The following PRKCA variants were observed in gnomAD, a reference collection of about 807,000 sequenced individuals.
PRKCA encodes protein kinase C alpha type.
A neutral mutation model predicts 87.0 loss-of-function variants in PRKCA; 27 were observed. The observed-to-expected ratio is 0.31, with a 90% CI of 0.23 to 0.43. The LOEUF (loss-of-function observed/expected upper bound fraction) is 0.43, where lower values mean the gene tolerates loss of function less well. PRKCA is among the 20% of genes least tolerant of loss of function. The probability of loss-of-function intolerance (pLI) is 1.00; values close to 1 mark genes in which losing one functional copy is unlikely to be tolerated. For missense variants in PRKCA, 518 were observed against 852.3 expected, an observed-to-expected ratio of 0.61 and a Z score of 4.88; for synonymous variants, 329 against 311.1, an observed-to-expected ratio of 1.06 and a Z score of -0.61.
rs1402884252 is a variant in PRKCA, at chr17:66,804,333, A to G, written c.*296A>G. On this transcript the variant is annotated 3_prime_UTR_variant, in exon 17 of 17. Coordinates refer to ENST00000413366, the MANE Select transcript of PRKCA (RefSeq NM_002737.3). ...TAGAAAGCAAGCAGACTGTTGCCCC[A>G]TTTTGGGTACAATTTGATATACTTT... 2 of 273,128 alleles carry G rather than the reference A, an allele frequency of 7.3e-6. No homozygotes were observed. Among genetic ancestry groups the G allele is most frequent in the East Asian group, 6.8e-5 (1 of 14,698 alleles). The allele number at this position is 273,128 out of a possible 1,614,324, so 16.9% of individuals were successfully genotyped here.
chr17:66,577,678 C>A (rs763303246), intron 3 of PRKCA, among the ~76,000 whole-genome samples: 10 of 152,138 alleles, frequency 6.6e-5, no homozygotes, highest in Non-Finnish European at 1.0e-4. Context: ...TGAACTATAT[C>A]TTTTTAAAAA....
chr17:66,726,373 T>C (rs2144178903), intron 8 of PRKCA, among the ~76,000 whole-genome samples: 1 of 152,284 alleles, frequency 6.6e-6, no homozygotes, highest in East Asian at 1.9e-4. Flanking sequence ...GCACTTGAGT[T>C]GGACTTTGAA....
chr17:66,345,337 C>T (rs887973605), intron 2 of PRKCA, among the ~76,000 whole-genome samples: 11 of 152,264 alleles, frequency 7.2e-5, no homozygotes, highest in African/African-American at 2.6e-4. Context: ...ATTTCTGAAG[C>T]AATCATTTAT....
chr17:66,457,620 G>A (rs1914629260), intron 2 of PRKCA, among the ~76,000 whole-genome samples: 1 of 152,062 alleles, frequency 6.6e-6, no homozygotes, highest in Non-Finnish European at 1.5e-5. Flanking sequence ...CATGGGGGTA[G>A]TTACCTCCAT....
chr17:66,372,418 A>G (rs1007745019), intron 2 of PRKCA, among the ~76,000 whole-genome samples: 5 of 152,174 alleles, frequency 3.3e-5, no homozygotes, highest in African/African-American at 4.8e-5. Flanking sequence ...GGCGGTACTG[A>G]TGAATCACTA....
rs1402299283 is a variant in PRKCA, at chr17:66,808,473, A to G, written c.*4436A>G. 1 of 152,558 alleles carries G rather than the reference A, an allele frequency of 6.6e-6. No individual in the cohort carries two copies. Among genetic ancestry groups the G allele is most frequent in the Non-Finnish European group, 1.5e-5 (1 of 68,046 alleles). The allele number at this position is 152,558 out of a possible 1,614,324, so 9.5% of individuals were successfully genotyped here. A position where few individuals can be genotyped will look rare whatever the true frequency, so the allele number is the denominator to read the frequency against. ...AAAGTCACCTATTTCTTGTGTGTGC[A>G]CATCACACCATTTCCTGTTTCTTTA... On this transcript the variant is annotated 3_prime_UTR_variant, in exon 17 of 17. Coordinates refer to ENST00000413366, the MANE Select transcript of PRKCA (RefSeq NM_002737.3).
At chr17:66,749,946 C>G (rs1429911959) in intron 13 of PRKCA, among the ~76,000 whole-genome samples, 1 of 152,074 alleles carries the variant, frequency 6.6e-6, no homozygotes, top group African/African-American at 2.4e-5. Context: ...GTCAATGGGA[C>G]ATCATCCCAG....
At chr17:66,407,884 G>A (rs781387261) in intron 2 of PRKCA, among the ~76,000 whole-genome samples, 1 of 152,140 alleles carries the variant, frequency 6.6e-6, no homozygotes, top group Admixed American at 6.5e-5. Context: ...TGTAACATAG[G>A]TATAGATTTT....
chr17:66,585,198 G>T (rs1969556165), intron 3 of PRKCA, among the ~76,000 whole-genome samples: 1 of 152,154 alleles, frequency 6.6e-6, no homozygotes, highest in African/African-American at 2.4e-5. Context: ...CTAATCTTTT[G>T]TTAGGCAGGT....
intron 4 of PRKCA, among the ~76,000 whole-genome samples, chr17:66,643,447 T>C (rs892007301): frequency 1.3e-5 from 2 of 152,248 alleles, no homozygotes; most frequent in African/African-American, 2.4e-5. Context: ...TTATTGGTGA[T>C]CCTTGAATGT....
At chr17:66,658,617 A>G (rs762498481) in intron 5 of PRKCA, among the ~76,000 whole-genome samples, 10 of 152,158 alleles carry the variant, frequency 6.6e-5, no homozygotes, top group Non-Finnish European at 1.3e-4. Context: ...ACACAGCCAA[A>G]CCATATCATA....
intron 2 of PRKCA, among the ~76,000 whole-genome samples, chr17:66,375,453 G>A (rs1023959332): frequency 1.3e-5 from 2 of 152,098 alleles, no homozygotes; most frequent in African/African-American, 4.8e-5. Context: ...GGTTGGAAGT[G>A]GAGTCGATGG....
intron 5 of PRKCA, among the ~76,000 whole-genome samples, chr17:66,667,139 T>C (rs1319287137): frequency 1.3e-5 from 2 of 152,142 alleles, no homozygotes; most frequent in African/African-American, 2.4e-5. Context: ...TTCCCCCACC[T>C]CTGCCACCTT....
chr17:66,626,266 GA>G, intron 3 of PRKCA, among the ~76,000 whole-genome samples: 1 of 151,198 alleles, frequency 6.6e-6, no homozygotes, highest in South Asian at 2.1e-4. Flanking sequence ...TGGCTAACTG[GA>G]ACCTCTGCCT....
At chr17:66,680,676 A>G (rs1972464570) in intron 5 of PRKCA, among the ~76,000 whole-genome samples, 1 of 152,184 alleles carries the variant, frequency 6.6e-6, no homozygotes. Flanking sequence ...TGTGTCCTCA[A>G]CAAAGCTTTT....
intron 2 of PRKCA, among the ~76,000 whole-genome samples, chr17:66,321,441 A>G (rs955870272): frequency 1.3e-5 from 2 of 152,240 alleles, no homozygotes; most frequent in African/African-American, 4.8e-5. Context: ...CTCAAGTGCC[A>G]AGGACAGTTT....
At position 66,548,547 on chromosome 17, in the gene PRKCA, T is replaced by G. The variant is rs754451164; in HGVS notation, c.288+52264T>G. Among the ~76,000 whole-genome samples, 26 of 152,302 alleles carry G rather than the reference T, an allele frequency of 1.7e-4. 1 individual carries two copies. Among genetic ancestry groups the G allele is most frequent in the East Asian group, 5.8e-4 (3 of 5,170 alleles). On this transcript the variant is annotated intron_variant, in intron 3 of 16. Coordinates refer to ENST00000413366, the MANE Select transcript of PRKCA (RefSeq NM_002737.3). Reference sequence around the variant, plus strand: ...TAATCTTTACAACAACCCATTAAGATAGGTGATCTGGTGTCCTGAGTGGTG... The same window carrying G: ...TAATCTTTACAACAACCCATTAAGAGAGGTGATCTGGTGTCCTGAGTGGTG...
In PRKCA at chr17:66,659,164, C is replaced by T. The variant is rs939440223; in HGVS notation, c.529+13653C>T. Reference sequence around the variant, plus strand: ...GAGAGCTGTTTCAGAGAGAGCTAATCGGTGGTGCCAATAAGTGTGCCCCTT... The same window carrying T: ...GAGAGCTGTTTCAGAGAGAGCTAATTGGTGGTGCCAATAAGTGTGCCCCTT... On this transcript the variant is annotated intron_variant, in intron 5 of 16. Transcript: ENST00000413366. Among the ~76,000 whole-genome samples the T allele has an allele frequency of 2.6e-5, 4 of 152,258 alleles. No individual in the cohort carries two copies. In the East Asian group the frequency reaches 5.8e-4, roughly 22 times the overall value.
At chr17:66,365,965 T>G (rs1908693084) in intron 2 of PRKCA, among the ~76,000 whole-genome samples, 12 of 152,188 alleles carry the variant, frequency 7.9e-5, no homozygotes, top group Admixed American at 7.9e-4. Flanking sequence ...TCCTGAGTAG[T>G]CTGAGAAATG....
Sources: allele counts gnomAD v4.1 joint callset (sites outside exome capture counted in the v4.1 genomes callset), GRCh38; gene constraint gnomAD v4.1.1; transcripts MANE v1.5; gene names NCBI Gene and HGNC (gene_info 2026-07-23, HGNC 2026-07-21).